Variants in SNX3 observed in about 807,000 individuals in gnomAD.
SNX3 encodes the protein sorting nexin 3.
In SNX3, 5 loss-of-function variants were observed where a neutral mutation model predicts 17.7. The ratio of observed to expected loss-of-function variants is 0.28; its 90% CI spans 0.15 to 0.59. The LOEUF is 0.59. Ranked by LOEUF, SNX3 falls within the 20% of genes least tolerant of loss-of-function variation. SNX3 has a pLI of 0.88. For missense variants in SNX3, 132 were observed against 206.8 expected (o/e 0.64, Z 2.22); for synonymous variants, 91 against 76.5 (o/e 1.19, Z -0.99).
At chr6:108,234,029 G>A (rs748368773) in intron 1 of SNX3, among the ~76,000 whole-genome samples, 1 of 152,016 alleles carries the variant, frequency 6.6e-6, no homozygotes, top group Non-Finnish European at 1.5e-5. Flanking sequence ...ATGGACTACA[G>A]GGATCTCAAG....
intron 3 of SNX3, among the ~76,000 whole-genome samples, chr6:108,212,482 C>T (rs780285463): frequency 7.2e-5 from 11 of 151,842 alleles, no homozygotes; most frequent in Non-Finnish European, 1.2e-4. Context: ...GGACTACAGG[C>T]GTGTGCCATC....
chr6:108,252,936 C>A (rs1775910329), intron 1 of SNX3, among the ~76,000 whole-genome samples: 1 of 152,124 alleles, frequency 6.6e-6, no homozygotes, highest in Non-Finnish European at 1.5e-5. Flanking sequence ...CCACACCCGG[C>A]CCTAAGAATA....
chr6:108,254,545 G>A (rs1775976653), intron 1 of SNX3, among the ~76,000 whole-genome samples: 1 of 152,046 alleles, frequency 6.6e-6, no homozygotes, highest in Middle Eastern at 3.2e-3. Context: ...GTGACCCTGG[G>A]GAAGTTAACT....
At chr6:108,237,524 G>A (rs989584087) in intron 1 of SNX3, among the ~76,000 whole-genome samples, 4 of 152,162 alleles carry the variant, frequency 2.6e-5, no homozygotes, top group African/African-American at 9.7e-5. Flanking sequence ...GGTGGCTCAC[G>A]CCTGTAATCT....
intron 1 of SNX3, among the ~76,000 whole-genome samples, chr6:108,255,427 G>A (rs1325456083): frequency 6.6e-6 from 1 of 152,036 alleles, no homozygotes; most frequent in Admixed American, 6.6e-5. Context: ...GTGGCTCACT[G>A]CAGTGTTGAC....
chr6:108,215,988 T>C (rs73511827), intron 2 of SNX3, among the ~76,000 whole-genome samples: 10,266 of 152,220 alleles, frequency 0.067, 1,152 homozygotes, highest in African/African-American at 0.23. Flanking sequence ...TTTGATTAAA[T>C]AGCACCTAGC....
chr6:108,257,618 C>T (rs1268527360), intron 1 of SNX3, among the ~76,000 whole-genome samples: 1 of 152,148 alleles, frequency 6.6e-6, no homozygotes, highest in African/African-American at 2.4e-5. Context: ...TCAAATAAGG[C>T]CTAATTTCCT....
chr6:108,239,675 G>A (rs1775458992), intron 1 of SNX3, among the ~76,000 whole-genome samples: 1 of 152,156 alleles, frequency 6.6e-6, no homozygotes, highest in African/African-American at 2.4e-5. Flanking sequence ...AAGGTCACAT[G>A]TCCATTAACA....
chr6:108,220,045 AAT>A (rs1464957177), intron 2 of SNX3, among the ~76,000 whole-genome samples: 3 of 152,226 alleles, frequency 2.0e-5, no homozygotes, highest in African/African-American at 7.2e-5. Context: ...ATAGAATAAG[AAT>A]ATAAAGAACA....
intron 3 of SNX3, among the ~76,000 whole-genome samples, chr6:108,214,155 T>C (rs543550795): frequency 4.6e-5 from 7 of 152,310 alleles, no homozygotes; most frequent in Admixed American, 1.3e-4. Context: ...GCAAGTACAT[T>C]GTAAGTTTTA....
chr6:108,217,335 A>G (rs555279034), intron 2 of SNX3, among the ~76,000 whole-genome samples: 22 of 152,230 alleles, frequency 1.4e-4, no homozygotes, highest in Non-Finnish European at 2.9e-4. Flanking sequence ...TAGTCATTCA[A>G]ATGGATGGGG....
At chr6:108,258,289 C>T (rs1340636526) in intron 1 of SNX3, among the ~76,000 whole-genome samples, 3 of 151,756 alleles carry the variant, frequency 2.0e-5, no homozygotes, top group African/African-American at 7.3e-5. Flanking sequence ...GAAATCCCAT[C>T]TCTACTAAAA....
chr6:108,256,693 A>G (rs1776042029), intron 1 of SNX3, among the ~76,000 whole-genome samples: 1 of 152,232 alleles, frequency 6.6e-6, no homozygotes, highest in Non-Finnish European at 1.5e-5. Flanking sequence ...CTCCAGGTAA[A>G]ATAGATCTTG....
chr6:108,215,322 C>T (rs1159302842), intron 2 of SNX3, among the ~76,000 whole-genome samples: 1 of 149,192 alleles, frequency 6.7e-6, no homozygotes, highest in Non-Finnish European at 1.5e-5. Flanking sequence ...TGCACTCCAG[C>T]TGGGCTACAG....
intron 1 of SNX3, among the ~76,000 whole-genome samples, chr6:108,241,369 A>C (rs1036761543): frequency 6.6e-6 from 1 of 151,778 alleles, no homozygotes; most frequent in African/African-American, 2.4e-5. Flanking sequence ...CAAAAAGCAG[A>C]AGCTGGTCAG....
chr6:108,260,604 G>A (rs1035455424), intron 1 of SNX3, among the ~76,000 whole-genome samples, 156 bp downstream of exon 1: 25 of 152,162 alleles, frequency 1.6e-4, no homozygotes, highest in African/African-American at 5.8e-4. Flanking sequence ...AGCCCTACAG[G>A]AAGAGGGGCC....
chr6:108,243,932 A>G (rs1304359093), intron 1 of SNX3, among the ~76,000 whole-genome samples: 1 of 152,188 alleles, frequency 6.6e-6, no homozygotes, highest in African/African-American at 2.4e-5. Flanking sequence ...GACTGCCTCA[A>G]AAATCAAAAC....
At chr6:108,247,112 G>A (rs761590708) in intron 1 of SNX3, among the ~76,000 whole-genome samples, 1 of 152,116 alleles carries the variant, frequency 6.6e-6, no homozygotes, top group Non-Finnish European at 1.5e-5. Flanking sequence ...AAAGCTGACA[G>A]TTTATAAGGG....
At chr6:108,228,423 C>A (rs1179307884) in intron 1 of SNX3, among the ~76,000 whole-genome samples, 3 of 152,046 alleles carry the variant, frequency 2.0e-5, no homozygotes, top group Non-Finnish European at 4.4e-5. Flanking sequence ...GTGGCGGGTA[C>A]CTGTAATCCC....
Sources: gnomAD v4.1 joint callset for allele counts (sites outside exome capture counted in the v4.1 genomes callset) on GRCh38, gnomAD v4.1.1 for gene constraint, MANE v1.5 for transcripts, NCBI Gene and HGNC (gene_info 2026-07-23, HGNC 2026-07-21) for gene names.